Variants in ATG10 observed in about 807,000 individuals in gnomAD.
The protein encoded by ATG10 is ubiquitin-like-conjugating enzyme ATG10.
Under a neutral mutation model 32.1 loss-of-function variants are expected in ATG10, and 30 were observed. The ratio of observed to expected loss-of-function variants is 0.94; its 90% CI spans 0.70 to 1.27. ATG10 has a LOEUF of 1.27. Among genes scored for constraint, ATG10 ranks in the 50% most tolerant of loss-of-function variants. The pLI is 0.00. For synonymous variants in ATG10, 87 were observed against 91.5 expected, an observed-to-expected ratio of 0.95 and a Z score of 0.28; for missense variants, 233 against 262.3, an observed-to-expected ratio of 0.89 and a Z score of 0.77.
intron 4 of ATG10, among the ~76,000 whole-genome samples, chr5:82,165,897 C>A (rs1419420794): frequency 6.6e-6 from 1 of 152,142 alleles, no homozygotes; most frequent in Non-Finnish European, 1.5e-5. Context: ...GGAAATAAGA[C>A]ATTACTTCTT....
intron 2 of ATG10, among the ~76,000 whole-genome samples, chr5:82,037,257 TTTTTTTTTG>T: frequency 2.6e-5 from 2 of 78,238 alleles, no homozygotes; most frequent in African/African-American, 1.0e-4. Context: ...TTTTTTTTTT[TTTTTTTTTG>T]AGACGGAGTC....
intron 5 of ATG10, among the ~76,000 whole-genome samples, chr5:82,193,065 A>G (rs1242511049): frequency 5.9e-5 from 9 of 152,212 alleles, no homozygotes; most frequent in Non-Finnish European, 1.2e-4. Flanking sequence ...TCCCAAGGCT[A>G]CAATGGCAGC....
At chr5:82,007,080 T>G (rs1762005239) in intron 2 of ATG10, among the ~76,000 whole-genome samples, 1 of 152,088 alleles carries the variant, frequency 6.6e-6, no homozygotes, top group African/African-American at 2.4e-5. Context: ...TCTTGATCTC[T>G]TGACCTCGTG....
intron 2 of ATG10, among the ~76,000 whole-genome samples, chr5:82,016,704 T>C (rs1429087595): frequency 6.6e-6 from 1 of 151,844 alleles, no homozygotes; most frequent in East Asian, 1.9e-4. Context: ...TTTTTTTTTT[T>C]TTGAGATGGA....
chr5:82,138,901 G>C (rs1275347552), intron 3 of ATG10, among the ~76,000 whole-genome samples: 6 of 106,830 alleles, frequency 5.6e-5, no homozygotes, highest in Admixed American at 1.3e-4. Context: ...CTCTCATGCG[G>C]AGCCGAAGCT....
intron 3 of ATG10, among the ~76,000 whole-genome samples, chr5:82,143,743 C>T (rs532931467): frequency 3.2e-4 from 49 of 152,314 alleles, no homozygotes; most frequent in African/African-American, 9.9e-4. Context: ...TCTGCCAACA[C>T]AGGATTGGTT....
intron 3 of ATG10, among the ~76,000 whole-genome samples, chr5:82,084,682 A>T (rs1036486063): frequency 5.3e-5 from 8 of 152,214 alleles, no homozygotes; most frequent in African/African-American, 1.4e-4. Context: ...GGTATTCAAC[A>T]TTCTTAAAGA....
intron 5 of ATG10, 150 bp from the exon 6 acceptor site, chr5:82,252,412 T>A (rs1747290371): frequency 1.6e-6 from 1 of 615,306 alleles, no homozygotes; most frequent in Admixed American, 3.5e-5. Context: ...GATTATAAAT[T>A]GTTTTTAAAA....
chr5:82,120,364 T>C (rs1213934682), intron 3 of ATG10, among the ~76,000 whole-genome samples: 1 of 152,148 alleles, frequency 6.6e-6, no homozygotes, highest in Non-Finnish European at 1.5e-5. Flanking sequence ...TCTTCAACAA[T>C]GCCATAGTCT....
chr5:82,102,895 G>A (rs758402565), intron 3 of ATG10, among the ~76,000 whole-genome samples: 11 of 152,056 alleles, frequency 7.2e-5, no homozygotes, highest in Admixed American at 6.6e-5. Context: ...TGTAGTTTGA[G>A]GAATCCTAAC....
intron 2 of ATG10, among the ~76,000 whole-genome samples, chr5:82,042,556 C>A (rs776693897): frequency 3.9e-5 from 6 of 152,090 alleles, no homozygotes; most frequent in African/African-American, 9.7e-5. Flanking sequence ...GTCCAGAGTC[C>A]AAAGTCTCAT....
intron 3 of ATG10, among the ~76,000 whole-genome samples, chr5:82,071,851 C>G (rs1019684084): frequency 5.9e-5 from 9 of 152,208 alleles, no homozygotes; most frequent in African/African-American, 2.2e-4. Context: ...CTGTTAGGTT[C>G]CTGAATCTGG....
chr5:82,239,777 G>A (rs1285788576), intron 5 of ATG10, among the ~76,000 whole-genome samples: 1 of 151,966 alleles, frequency 6.6e-6, no homozygotes, highest in Non-Finnish European at 1.5e-5. Context: ...ATTGACAAGT[G>A]ATTAATAATC....
chr5:82,238,372 C>CA (rs796706397), intron 5 of ATG10, among the ~76,000 whole-genome samples: 26 of 150,366 alleles, frequency 1.7e-4, no homozygotes, highest in African/African-American at 5.2e-4. Context: ...ACTGCCCAGC[C>CA]ATCAGCCATC....
In ATG10 at chr5:82,216,696, A is replaced by G. The variant is rs892591027; in HGVS notation, c.454-35866A>G. 4.6e-5 allele frequency among the ~76,000 whole-genome samples: 7 copies of G among 152,356 alleles called. No homozygotes were observed. In the East Asian group the frequency reaches 9.6e-4, roughly 21 times the overall value. The stretch of plus-strand genomic sequence containing the variant: ...GCAATAGATTATTGTAATATGCCAA[A>G]CCAATAAAACTCATGCTATTAGGAG... On this transcript the variant is annotated intron_variant, in intron 5 of 7. Transcript: ENST00000282185.
At chr5:82,016,217 G>C (rs1762281996) in intron 2 of ATG10, among the ~76,000 whole-genome samples, 1 of 152,152 alleles carries the variant, frequency 6.6e-6, no homozygotes, top group Non-Finnish European at 1.5e-5. Flanking sequence ...TTCAGGTCTT[G>C]AATTTAAGTC....
chr5:82,081,890 A>G (rs1051379706), intron 3 of ATG10, among the ~76,000 whole-genome samples: 1 of 151,984 alleles, frequency 6.6e-6, no homozygotes, highest in Non-Finnish European at 1.5e-5. Flanking sequence ...GTTAGGGAGG[A>G]TTCTGTCTTT....
chr5:82,048,656 G>A (rs1554043715), intron 2 of ATG10, among the ~76,000 whole-genome samples: 2 of 152,164 alleles, frequency 1.3e-5, no homozygotes, highest in South Asian at 4.2e-4. Flanking sequence ...TCATCTGACA[G>A]AGGGCTAATA....
At chr5:81,990,756 T>G (rs1216595019) in intron 2 of ATG10, among the ~76,000 whole-genome samples, 3 of 152,100 alleles carry the variant, frequency 2.0e-5, no homozygotes, top group Non-Finnish European at 2.9e-5. Flanking sequence ...CAGGGACAGA[T>G]CAATAGGAAG....
Sources: allele counts gnomAD v4.1 joint callset (sites outside exome capture counted in the v4.1 genomes callset), GRCh38; gene constraint gnomAD v4.1.1; transcripts MANE v1.5; gene names NCBI Gene and HGNC (gene_info 2026-07-23, HGNC 2026-07-21).